Variants in CTNNA1 observed in about 807,000 individuals in gnomAD.
The protein encoded by CTNNA1 is catenin alpha-1.
Under a neutral mutation model 98.4 loss-of-function variants are expected in CTNNA1, and 37 were observed. The observed-to-expected ratio is 0.38, with a 90% CI of 0.29 to 0.49. The LOEUF (loss-of-function observed/expected upper bound fraction) is 0.49. Among genes scored for constraint, CTNNA1 ranks in the 20% least tolerant of loss-of-function variants. CTNNA1 has a pLI of 0.95. For synonymous variants in CTNNA1, 404 were observed against 413.2 expected (o/e 0.98, Z 0.27); for missense variants, 761 against 1,147.2 (o/e 0.66, Z 4.86).
At chr5:138,774,830 TG>T (rs1209783016) in intron 1 of CTNNA1, among the ~76,000 whole-genome samples, 2 of 151,670 alleles carry the variant, frequency 1.3e-5, no homozygotes, top group Non-Finnish European at 2.9e-5. Context: ...ACCGTGGTCT[TG>T]ATCTCCTGAC....
intron 1 of CTNNA1, among the ~76,000 whole-genome samples, chr5:138,758,571 T>C (rs1408552567): frequency 6.6e-6 from 1 of 151,982 alleles, no homozygotes; most frequent in Admixed American, 6.6e-5. Flanking sequence ...GAGATGGCAT[T>C]TCACCATGTT....
At chr5:138,779,081 A>G (rs898360966) in intron 1 of CTNNA1, among the ~76,000 whole-genome samples, 4 of 152,026 alleles carry the variant, frequency 2.6e-5, no homozygotes, top group Admixed American at 6.6e-5. Flanking sequence ...GTTTCACCAC[A>G]TTGGCCAGGC....
In CTNNA1 at chr5:138,873,142, G is replaced by A; in HGVS notation, c.1063-13070G>A. 1.9e-6 allele frequency: 3 copies of A among 1,614,012 alleles called. No homozygotes were observed. The highest frequency in any genetic ancestry group is 2.5e-6 in the Non-Finnish European group (3 of 1,179,886). ...CTTGGTCTGACATGTTTGACATATG[G>A]AGTCGTGTTTGGGATCGGAGCTGCC... is the stretch of plus-strand genomic sequence containing the variant. On this transcript the variant is annotated intron_variant, in intron 7 of 17. Transcript: ENST00000302763. The surrounding 1 kb of genome is among the most constrained non-coding windows in gnomAD (Gnocchi z 6.1).
intron 7 of CTNNA1, among the ~76,000 whole-genome samples, chr5:138,860,486 G>A (rs1332041431): frequency 8.0e-6 from 1 of 124,250 alleles, no homozygotes; most frequent in Non-Finnish European, 1.6e-5. Context: ...GGCAGGGTTT[G>A]GTTTTTTTTG....
chr5:138,827,020 T>C (rs1760792591), intron 6 of CTNNA1, among the ~76,000 whole-genome samples: 1 of 152,186 alleles, frequency 6.6e-6, no homozygotes, highest in South Asian at 2.1e-4. Context: ...CCTCAAACAA[T>C]CCTCCTTCAA....
rs1758711869 is a variant in CTNNA1 at position 138,904,372 on chromosome 5, C to A, written c.1320C>A (p.Ile440=). The A allele has an allele frequency of 6.2e-7, 1 of 1,613,946 alleles. No homozygotes were observed. Among genetic ancestry groups the A allele is most frequent in the East Asian group, 2.2e-5 (1 of 44,868 alleles). The change falls in exon 10 of 18, where the codon ATC becomes ATA. Residue 440 remains isoleucine, a synonymous_variant. Coordinates refer to ENST00000302763, the MANE Select transcript of CTNNA1 (RefSeq NM_001903.5). Reference sequence around the variant, plus strand: ...AGGTTGCCAACTTGGCCTGTTCCATCTCAAATAATGAAGAAGGTGTAAAGC... The same window carrying A: ...AGGTTGCCAACTTGGCCTGTTCCATATCAAATAATGAAGAAGGTGTAAAGC... ...LIEVANLACS[I]SNNEEGVKLV...
At chr5:138,841,417 G>A (rs1365465953) in intron 7 of CTNNA1, among the ~76,000 whole-genome samples, 12 of 151,934 alleles carry the variant, frequency 7.9e-5, no homozygotes, top group East Asian at 1.9e-4. Context: ...CCGCTACCAC[G>A]CCCGGCTAAT....
intron 7 of CTNNA1, among the ~76,000 whole-genome samples, chr5:138,852,042 C>T (rs967118437): frequency 6.6e-6 from 1 of 152,120 alleles, no homozygotes; most frequent in Non-Finnish European, 1.5e-5. Flanking sequence ...TACACTCCAG[C>T]CTGGGCAACA....
chr5:138,753,707 C>G (rs896701035), intron 1 of CTNNA1, 197 bp downstream of exon 1: 1 of 323,158 alleles, frequency 3.1e-6, no homozygotes, highest in East Asian at 4.7e-5. Context: ...TCCCTTCCCC[C>G]GCAGGGCCCG....
intron 7 of CTNNA1, chr5:138,870,799 G>T (rs1214587892): frequency 1.3e-5 from 2 of 152,274 alleles, no homozygotes; most frequent in East Asian, 3.9e-4. Context: ...TTAGCTCGTG[G>T]TGCTCTTATT....
chr5:138,875,218 G>T, intron 7 of CTNNA1: 1 of 315,622 alleles, frequency 3.2e-6, no homozygotes, highest in Non-Finnish European at 5.5e-6. Context: ...TTCCGCAGCC[G>T]TTAGTTCTCT....
intron 14 of CTNNA1, 147 bp from the exon 15 acceptor site, chr5:138,930,326 G>A (rs1351156978): frequency 1.6e-6 from 1 of 631,776 alleles, no homozygotes; most frequent in African/African-American, 1.8e-5. Flanking sequence ...CAAAAAATGA[G>A]AGAAATAGCC....
intron 9 of CTNNA1, among the ~76,000 whole-genome samples, chr5:138,895,507 G>A (rs949516615): frequency 6.6e-6 from 1 of 151,686 alleles, no homozygotes; most frequent in Non-Finnish European, 1.5e-5. Flanking sequence ...GTTTTTTGGG[G>A]GGGGGGATGG....
At chr5:138,904,832 C>G (rs533935467) in intron 10 of CTNNA1, 1 of 155,546 alleles carries the variant, frequency 6.4e-6, no homozygotes. Context: ...CAGTGGCTCA[C>G]GTCTGTAATC....
chr5:138,864,762 G>A (rs1764584615), intron 7 of CTNNA1, among the ~76,000 whole-genome samples: 1 of 151,764 alleles, frequency 6.6e-6, no homozygotes, highest in South Asian at 2.1e-4. Flanking sequence ...TATGAAATAT[G>A]CTTCTGTTCA....
intron 1 of CTNNA1, chr5:138,754,581 C>T: frequency 6.6e-6 from 1 of 152,026 alleles, no homozygotes; most frequent in Non-Finnish European, 1.5e-5. Context: ...TTTTGTGGAG[C>T]GAATATTTGT....
intron 14 of CTNNA1, 43 bp downstream of exon 14, chr5:138,929,399 CTT>C (rs778387461): frequency 1.1e-6 from 1 of 939,964 alleles, no homozygotes; most frequent in Non-Finnish European, 1.8e-6. Context: ...GTGCTGCCGA[CTT>C]TCCCTGTCCC....
intron 3 of CTNNA1, among the ~76,000 whole-genome samples, chr5:138,808,359 A>G (rs889486760): frequency 2.6e-5 from 4 of 152,206 alleles, no homozygotes; most frequent in African/African-American, 9.6e-5. Flanking sequence ...AATGATCTCC[A>G]TCTTTTAAAA....
At chr5:138,789,603 A>G (rs997830674) in intron 3 of CTNNA1, among the ~76,000 whole-genome samples, 5 of 152,158 alleles carry the variant, frequency 3.3e-5, no homozygotes, top group African/African-American at 9.7e-5. Flanking sequence ...GACTACAGGC[A>G]TGTGCCACCA....
Sources: gnomAD v4.1 joint callset for allele counts (sites outside exome capture counted in the v4.1 genomes callset) on GRCh38, gnomAD v4.1.1 for gene constraint, Gnocchi (gnomAD v3.1) non-coding constraint, MANE v1.5 for transcripts, NCBI Gene and HGNC (gene_info 2026-07-23, HGNC 2026-07-21) for gene names.